ATL3: variants seen among roughly 807,000 people sequenced by gnomAD.
The protein encoded by ATL3 is atlastin GTPase 3.
In ATL3, 49 loss-of-function variants were observed where a neutral mutation model predicts 69.5. That is an observed-to-expected ratio of 0.71 (90% confidence interval 0.56 to 0.89). The LOEUF is 0.89. ATL3 is among the 40% of genes least tolerant of loss of function. The probability of loss-of-function intolerance (pLI) is 0.00; values close to 1 mark genes in which losing one functional copy is unlikely to be tolerated. For missense variants in ATL3, 606 were observed against 645.7 expected (o/e 0.94, Z 0.67); for synonymous variants, 214 against 224.1 (o/e 0.95, Z 0.40).
intron 12 of ATL3, 57 bp from the exon 13 acceptor site, chr11:63,629,462 A>T: frequency 6.8e-7 from 1 of 1,475,862 alleles, no homozygotes; most frequent in Non-Finnish European, 9.5e-7. Flanking sequence ...CAGCAACAAG[A>T]AAGTAAGTCC....
At position 63,624,373 on chromosome 11, in the gene ATL3, A is replaced by G. The variant is rs2134449061; in HGVS notation, c.*4946T>C. On this transcript the variant is annotated 3_prime_UTR_variant, in exon 13 of 13. Coordinates refer to ENST00000398868, the MANE Select transcript of ATL3 (RefSeq NM_015459.5). ...TCTAATTAGAAAGCTATGGGAATCAATGCTACCTTCCCTTGCTCATAAAAA... is the reference window on the plus strand; with the variant it reads ...TCTAATTAGAAAGCTATGGGAATCAGTGCTACCTTCCCTTGCTCATAAAAA... 1 of 152,290 alleles carries G rather than the reference A, an allele frequency of 6.6e-6. No individual in the cohort carries two copies. Among genetic ancestry groups the G allele is most frequent in the East Asian group, 1.9e-4 (1 of 5,186 alleles). 9.4% of individuals were successfully genotyped at this position (152,290 alleles called of 1,614,324 possible). A position where few individuals can be genotyped will look rare whatever the true frequency, so the allele number is the denominator to read the frequency against.
At chr11:63,640,281 T>C (rs1012033086) in intron 8 of ATL3, among the ~76,000 whole-genome samples, 2 of 151,140 alleles carry the variant, frequency 1.3e-5, no homozygotes, top group African/African-American at 4.9e-5. Flanking sequence ...TGTACCTTAA[T>C]TTTTGTTTTT....
At chr11:63,661,260 GT>G (rs1352383492) in intron 1 of ATL3, among the ~76,000 whole-genome samples, 1 of 151,668 alleles carries the variant, frequency 6.6e-6, no homozygotes, top group African/African-American at 2.4e-5. Flanking sequence ...GCTTATGAAG[GT>G]TCAGCATATT....
At chr11:63,664,832 T>C (rs575296840) in intron 1 of ATL3, among the ~76,000 whole-genome samples, 44 of 151,902 alleles carry the variant, frequency 2.9e-4, no homozygotes, top group African/African-American at 9.2e-4. Flanking sequence ...GGTCTCGAAC[T>C]CCTAACCCTG....
At chr11:63,662,255 A>T (rs1366727504) in intron 1 of ATL3, among the ~76,000 whole-genome samples, 1 of 151,830 alleles carries the variant, frequency 6.6e-6, no homozygotes, top group Non-Finnish European at 1.5e-5. Context: ...ATTCAGAGCC[A>T]CTTAGTAGCT....
At chr11:63,665,152 C>T (rs1940536641) in intron 1 of ATL3, among the ~76,000 whole-genome samples, 1 of 151,986 alleles carries the variant, frequency 6.6e-6, no homozygotes, top group Non-Finnish European at 1.5e-5. Context: ...TCAAGACCAC[C>T]CTGACCAACA....
upstream of ATL3, chr11:63,671,543 C>A: frequency 7.0e-7 from 1 of 1,423,620 alleles, no homozygotes. Context: ...GTGGCGAGCG[C>A]AGGACGAGGC....
chr11:63,658,752 C>T lies in ATL3; in HGVS notation c.405+9G>A. The T allele has an allele frequency of 6.3e-7, 1 of 1,593,048 alleles. No homozygotes were observed. The highest frequency in any genetic ancestry group is 8.5e-7 in the Non-Finnish European group (1 of 1,173,590). On this transcript the variant is annotated intron_variant, in intron 3 of 12. Coordinates refer to ENST00000398868, the MANE Select transcript of ATL3 (RefSeq NM_015459.5). Reference sequence around the variant, plus strand: ...TGTTGTTAATCTGTAAGGTCATTTTCATCCTTACCTTCTTCCCACCTGGCT... The same window carrying T: ...TGTTGTTAATCTGTAAGGTCATTTTTATCCTTACCTTCTTCCCACCTGGCT...
chr11:63,646,359 TCAACCA>T, intron 6 of ATL3, 142 bp downstream of exon 6: 2 of 522,740 alleles, frequency 3.8e-6, no homozygotes, highest in African/African-American at 2.0e-5. Flanking sequence ...CTCATTTTTT[TCAACCA>T]TTTAAAAATG....
intron 9 of ATL3, among the ~76,000 whole-genome samples, chr11:63,635,982 C>G (rs1855270704): frequency 6.6e-6 from 1 of 150,446 alleles, no homozygotes; most frequent in African/African-American, 2.5e-5. Flanking sequence ...TTAGTCACAG[C>G]TAATTGCTCC....
chr11:63,647,260 C>T (rs1012452136), intron 5 of ATL3, among the ~76,000 whole-genome samples: 4 of 152,176 alleles, frequency 2.6e-5, no homozygotes, highest in African/African-American at 4.8e-5. Flanking sequence ...CGTAATGGCG[C>T]GTGGCTCATC....
chr11:63,666,712 C>A (rs948114114), intron 1 of ATL3, among the ~76,000 whole-genome samples: 2 of 152,040 alleles, frequency 1.3e-5, no homozygotes, highest in African/African-American at 4.8e-5. Context: ...GCCCGGTCCA[C>A]TTGTCAGGAA....
chr11:63,640,587 A>C (rs1939666933), intron 8 of ATL3, among the ~76,000 whole-genome samples: 1 of 135,280 alleles, frequency 7.4e-6, no homozygotes, highest in African/African-American at 2.8e-5. Flanking sequence ...TAATGCTACC[A>C]TAGTATCTTT....
chr11:63,655,525 G>A (rs1253926922), intron 3 of ATL3, among the ~76,000 whole-genome samples: 1 of 150,076 alleles, frequency 6.7e-6, no homozygotes, highest in Admixed American at 6.7e-5. Flanking sequence ...TCGGCTCACT[G>A]CAACCTCCAC....
At chr11:63,663,537 C>A (rs922097377) in intron 1 of ATL3, among the ~76,000 whole-genome samples, 2 of 152,180 alleles carry the variant, frequency 1.3e-5, no homozygotes, top group Admixed American at 6.5e-5. Context: ...TAATACTTTT[C>A]TTTCCTGTTA....
chr11:63,645,949 G>A (rs370750749), intron 6 of ATL3, among the ~76,000 whole-genome samples: 1 of 151,892 alleles, frequency 6.6e-6, no homozygotes, highest in South Asian at 2.1e-4. Flanking sequence ...TGTATTTTTA[G>A]TAGAGACAGG....
At chr11:63,645,135 C>T (rs763300189) in intron 6 of ATL3, among the ~76,000 whole-genome samples, 2 of 151,642 alleles carry the variant, frequency 1.3e-5, no homozygotes, top group African/African-American at 2.4e-5. Flanking sequence ...GGCCAGCCAC[C>T]GTGGCTCATG....
intron 6 of ATL3, among the ~76,000 whole-genome samples, chr11:63,644,511 T>TCC (rs1035212099): frequency 6.7e-6 from 1 of 149,898 alleles, no homozygotes; most frequent in Non-Finnish European, 1.5e-5. Context: ...CACCTCAGCC[T>TCC]CCCAAGTAGC....
intron 1 of ATL3, among the ~76,000 whole-genome samples, chr11:63,662,212 CAAAA>C (rs1228390912): frequency 5.9e-5 from 5 of 84,738 alleles, no homozygotes; most frequent in African/African-American, 1.3e-4. Context: ...GACTCTATCT[CAAAA>C]AAAAAAAAAA....
Sources: allele counts gnomAD v4.1 joint callset (sites outside exome capture counted in the v4.1 genomes callset), GRCh38; gene constraint gnomAD v4.1.1; transcripts MANE v1.5; gene names NCBI Gene and HGNC (gene_info 2026-07-23, HGNC 2026-07-21).